IKZF3: variants seen among roughly 807,000 people sequenced by gnomAD.
IKZF3 encodes the protein IKAROS family zinc finger 3.
In IKZF3, 10 loss-of-function variants were observed where a neutral mutation model predicts 49.0. The ratio of observed to expected loss-of-function variants is 0.20; its 90% CI spans 0.13 to 0.35. The LOEUF (loss-of-function observed/expected upper bound fraction) is 0.35, where lower values mean the gene tolerates loss of function less well. IKZF3 is among the 10% of genes least tolerant of loss of function. The probability of loss-of-function intolerance (pLI) is 1.00; values close to 1 mark genes in which losing one functional copy is unlikely to be tolerated. For missense variants in IKZF3, 498 were observed against 664.8 expected (o/e 0.75, Z 2.76); for synonymous variants, 209 against 228.2 (o/e 0.92, Z 0.76).
chr17:39,784,564 T>C (rs1162035594), intron 6 of IKZF3, among the ~76,000 whole-genome samples: 2 of 152,100 alleles, frequency 1.3e-5, no homozygotes, highest in African/African-American at 2.4e-5. Context: ...CCACCACACC[T>C]AGCTAATTTT....
At chr17:39,819,313 A>C (rs2061748699) in intron 3 of IKZF3, among the ~76,000 whole-genome samples, 1 of 152,216 alleles carries the variant, frequency 6.6e-6, no homozygotes, top group Non-Finnish European at 1.5e-5. Context: ...TCACTATTTC[A>C]ACTACAAATT....
intron 1 of IKZF3, among the ~76,000 whole-genome samples, chr17:39,860,420 TACTG>T (rs1206342527): frequency 6.6e-6 from 1 of 152,236 alleles, no homozygotes; most frequent in Non-Finnish European, 1.5e-5. Flanking sequence ...ATCTATATCT[TACTG>T]ACTGAGAAAA....
intron 3 of IKZF3, among the ~76,000 whole-genome samples, chr17:39,795,693 C>T (rs1464593448): frequency 6.6e-6 from 1 of 151,850 alleles, no homozygotes; most frequent in East Asian, 2.0e-4. Context: ...AGGCCTGAGC[C>T]ACCGTGTCCA....
chr17:39,811,511 C>A (rs2061561249), intron 3 of IKZF3, among the ~76,000 whole-genome samples: 1 of 152,096 alleles, frequency 6.6e-6, no homozygotes, highest in African/African-American at 2.4e-5. Context: ...GTCTTCTAGG[C>A]AGATCAGTTT....
chr17:39,773,701 T>C (rs1332664113), intron 7 of IKZF3, among the ~76,000 whole-genome samples: 2 of 152,246 alleles, frequency 1.3e-5, no homozygotes, highest in African/African-American at 4.8e-5. Context: ...AGGAGAAATA[T>C]GCAGAAATGT....
Position 39,760,951 on chromosome 17 carries a change from G to A in IKZF3, c.*4839C>T, listed in dbSNP as rs1319763008. On this transcript the variant is annotated 3_prime_UTR_variant, in exon 8 of 8. Transcript: ENST00000346872. ...AGATTGCTTGAGCCCAGGATTTTGA[G>A]ACTAGCCTGGGCAGTATGGCGAAAC... is the stretch of plus-strand genomic sequence containing the variant. 1 of 152,146 alleles carries A rather than the reference G, an allele frequency of 6.6e-6. No homozygotes were observed. The highest frequency in any genetic ancestry group is 1.5e-5 in the Non-Finnish European group (1 of 68,036). The allele number at this position is 152,146 out of a possible 1,614,324, so 9.4% of individuals were successfully genotyped here. A position where few individuals can be genotyped will look rare whatever the true frequency, so the allele number is the denominator to read the frequency against.
chr17:39,768,302 G>C (rs1005955358), intron 7 of IKZF3, among the ~76,000 whole-genome samples: 1 of 152,176 alleles, frequency 6.6e-6, no homozygotes, highest in Non-Finnish European at 1.5e-5. Flanking sequence ...GAAGGGTCTT[G>C]AACTGGAAGA....
Position 39,829,435 on chromosome 17 carries a change from T to G in IKZF3, c.115A>C (p.Asn39His). The change falls in exon 3 of 8, where the codon AAT becomes CAT. Residue 39 changes from asparagine (N) to histidine (H), a missense_variant. Physicochemically the swap from Asn to His is moderately conservative, Grantham distance 68 (BLOSUM62 1). Around this residue, in one of 3 missense-constraint regions of IKZF3, gnomAD observed 97 missense variants for 98.9 expected, o/e 0.98. Transcript: ENST00000346872. ...GCTGGGCCTTCTCCACTGTCCACAT[T>G]TTCCATTTCATGAGATTTGGTTAAA... Reference protein sequence around the residue: ...YSLTKSHEMENVDSGEGPANE... With the variant: ...YSLTKSHEMEHVDSGEGPANE... 1 of 1,614,130 alleles carries G rather than the reference T, an allele frequency of 6.2e-7. No individual in the cohort carries two copies. The highest frequency in any genetic ancestry group is 8.5e-7 in the Non-Finnish European group (1 of 1,179,972).
chr17:39,765,608 T>C lies in IKZF3; in HGVS notation c.*182A>G, dbSNP rs1348927926. The C allele has an allele frequency of 1.8e-6, 1 of 557,492 alleles. No individual in the cohort carries two copies. The highest frequency in any genetic ancestry group is 1.9e-5 in the African/African-American group (1 of 53,378). 34.5% of individuals were successfully genotyped at this position (557,492 alleles called of 1,614,324 possible). ...AGGTTTCACAAAAGTAATAATATGCTAGACCTGCGAATAATTTCTGAAGGA... is the reference window on the plus strand; with the variant it reads ...AGGTTTCACAAAAGTAATAATATGCCAGACCTGCGAATAATTTCTGAAGGA... On this transcript the variant is annotated 3_prime_UTR_variant, in exon 8 of 8. Coordinates refer to ENST00000346872, the MANE Select transcript of IKZF3 (RefSeq NM_012481.5).
At chr17:39,854,726 T>C (rs1359090719) in intron 1 of IKZF3, among the ~76,000 whole-genome samples, 1 of 152,042 alleles carries the variant, frequency 6.6e-6, no homozygotes, top group African/African-American at 2.4e-5. Context: ...TTGGTTTGGA[T>C]TGGAGAGAAA....
intron 7 of IKZF3, among the ~76,000 whole-genome samples, chr17:39,769,372 A>C (rs2060378282): frequency 6.6e-6 from 1 of 152,186 alleles, no homozygotes. Context: ...GCATCCCCAC[A>C]AGCAGCTGAC....
chr17:39,795,613 G>C (rs1231496637), intron 3 of IKZF3, among the ~76,000 whole-genome samples: 2 of 151,594 alleles, frequency 1.3e-5, no homozygotes, highest in Admixed American at 1.3e-4. Context: ...CGCCATGTTG[G>C]CCAGGCTGGT....
chr17:39,803,826 T>G (rs2061376701), intron 3 of IKZF3, among the ~76,000 whole-genome samples: 1 of 152,152 alleles, frequency 6.6e-6, no homozygotes, highest in Non-Finnish European at 1.5e-5. Flanking sequence ...CTATCTTTTT[T>G]AAAAACAGGA....
Position 39,863,851 on chromosome 17 carries a change from C to T in IKZF3, c.7+269G>A, listed in dbSNP as rs564660915. Among the ~76,000 whole-genome samples the T allele has an allele frequency of 1.4e-4, 21 of 152,314 alleles. No homozygotes were observed. In the South Asian group the frequency reaches 3.7e-3, roughly 27 times the overall value. On this transcript the variant is annotated intron_variant, in intron 1 of 7. Transcript: ENST00000346872. The stretch of plus-strand genomic sequence containing the variant: ...CAGGGACACCCCTTAAGTGCTCTTC[C>T]TCTGCAGATGTAGGGTAGACCCCCC...
intron 6 of IKZF3, among the ~76,000 whole-genome samples, chr17:39,780,425 A>G (rs1001218385): frequency 3.3e-5 from 5 of 152,118 alleles, no homozygotes; most frequent in Non-Finnish European, 7.4e-5. Flanking sequence ...GTGCAGTGGC[A>G]TGATCACAGC....
At chr17:39,792,559 G>T in intron 4 of IKZF3, 114 bp downstream of exon 4, 1 of 1,066,180 alleles carries the variant, frequency 9.4e-7, no homozygotes, top group Non-Finnish European at 1.4e-6. Flanking sequence ...AGATACATCA[G>T]CATTATAGCA....
intron 7 of IKZF3, among the ~76,000 whole-genome samples, chr17:39,768,911 TGTGA>T (rs1326059923): frequency 1.3e-5 from 2 of 152,236 alleles, no homozygotes; most frequent in Non-Finnish European, 2.9e-5. Flanking sequence ...CGGATACTAC[TGTGA>T]GTACTTGGAG....
chr17:39,846,506 T>C (rs1465895488), intron 1 of IKZF3, among the ~76,000 whole-genome samples: 5 of 149,428 alleles, frequency 3.3e-5, no homozygotes, highest in African/African-American at 1.0e-4. Flanking sequence ...TTTTTTTTTT[T>C]CAGAGTTTCT....
chr17:39,822,488 G>C (rs568550066), intron 3 of IKZF3, among the ~76,000 whole-genome samples: 6 of 151,930 alleles, frequency 3.9e-5, no homozygotes, highest in Admixed American at 3.3e-4. Flanking sequence ...TGCCATGATT[G>C]TAAGTTTCCT....
Sources: allele counts gnomAD v4.1 joint callset (sites outside exome capture counted in the v4.1 genomes callset), GRCh38; gene constraint gnomAD v4.1.1; regional missense constraint gnomAD v4.1.1; transcripts MANE v1.5; gene names NCBI Gene and HGNC (gene_info 2026-07-23, HGNC 2026-07-21).